Variants in GRM1 observed in about 807,000 individuals in gnomAD.
GRM1 encodes the protein metabotropic glutamate receptor 1.
GRM1 carries 33 observed loss-of-function variants against 90.9 expected under a neutral mutation model. The observed-to-expected ratio is 0.36, with a 90% CI of 0.28 to 0.49. The LOEUF (loss-of-function observed/expected upper bound fraction) is 0.49. GRM1 is among the 20% of genes least tolerant of loss of function. GRM1 has a pLI of 0.99. For missense variants in GRM1, 1,190 were observed against 1,534.3 expected (o/e 0.78, Z 3.75); for synonymous variants, 700 against 613.2 (o/e 1.14, Z -2.09).
chr6:146,106,110 A>G (rs17075679), intron 1 of GRM1, among the ~76,000 whole-genome samples: 4 of 152,338 alleles, frequency 2.6e-5, no homozygotes, highest in East Asian at 3.9e-4. Flanking sequence ...AAAAGGTTTA[A>G]TGCGTCATTA....
chr6:146,124,823 AT>A (rs1474947009), intron 1 of GRM1, among the ~76,000 whole-genome samples: 1 of 152,158 alleles, frequency 6.6e-6, no homozygotes, highest in Non-Finnish European at 1.5e-5. Context: ...TCAAGAATCC[AT>A]TGCGATGCAC....
rs563400979 is a variant in GRM1, at chr6:146,132,879, C to T, written c.701-26469C>T. On this transcript the variant is annotated intron_variant, in intron 1 of 7. Transcript: ENST00000282753. The stretch of plus-strand genomic sequence containing the variant: ...TTTATCTAGTGCATGGGATTTCTTC[C>T]ATTTGTTTGTCTCCAAAGGCCTAGT... 2.4e-4 allele frequency among the ~76,000 whole-genome samples: 36 copies of T among 152,258 alleles called. No homozygotes were observed. The South Asian group carries it at 3.7e-3, about 16-fold the overall frequency.
chr6:146,042,877 C>T (rs1791167662), intron 1 of GRM1, among the ~76,000 whole-genome samples: 1 of 152,016 alleles, frequency 6.6e-6, no homozygotes, highest in Admixed American at 6.6e-5. Context: ...ACAAAGGCTA[C>T]TAGGTGCCCA....
At chr6:146,311,103 C>T (rs1248227632) in intron 3 of GRM1, among the ~76,000 whole-genome samples, 3 of 152,126 alleles carry the variant, frequency 2.0e-5, no homozygotes, top group Admixed American at 6.5e-5. Flanking sequence ...CTTTTCCCAT[C>T]ATAAGAAGAA....
At position 146,210,135 on chromosome 6, in the gene GRM1, A is replaced by G. The variant is rs903754555; in HGVS notation, c.950+50538A>G. ...GGCTTTTATACTCTTAGAATTTTTCAGTGACTCAGCAGATTGAGTTGCAAT... is the reference window on the plus strand; with the variant it reads ...GGCTTTTATACTCTTAGAATTTTTCGGTGACTCAGCAGATTGAGTTGCAAT... On this transcript the variant is annotated intron_variant, in intron 2 of 7. Coordinates refer to ENST00000282753, the MANE Select transcript of GRM1 (RefSeq NM_001278064.2). 3.9e-5 allele frequency among the ~76,000 whole-genome samples: 6 copies of G among 152,150 alleles called. 1 individual carries two copies. The highest frequency in any genetic ancestry group is 1.9e-4 in the East Asian group (1 of 5,190).
rs58019795 is a variant in GRM1, at chr6:146,140,141, C to CTTT, written c.701-19207_701-19206insTTT. ...TCTTTCTTTCTTTCTTTCTTTCTTTCCTTCCTTCCTTCTTTCTCCTTCCTT... is the reference window on the plus strand; with the variant it reads ...TCTTTCTTTCTTTCTTTCTTTCTTTCTTTCTTCCTTCCTTCTTTCTCCTTCCTT... On this transcript the variant is annotated intron_variant, in intron 1 of 7. Coordinates refer to ENST00000282753, the MANE Select transcript of GRM1 (RefSeq NM_001278064.2). 1.6e-3 allele frequency among the ~76,000 whole-genome samples: 191 copies of CTTT among 118,342 alleles called. 1 individual carries two copies. The highest frequency in any genetic ancestry group is 3.8e-3 in the African/African-American group (117 of 30,966). 77.6% of individuals were successfully genotyped at this position (118,342 alleles called of 152,430 possible).
At chr6:146,088,124 A>C (rs568497038) in intron 1 of GRM1, among the ~76,000 whole-genome samples, 19 of 152,196 alleles carry the variant, frequency 1.2e-4, no homozygotes, top group African/African-American at 4.6e-4. Context: ...TTTTTATTTT[A>C]ACTATTCTGA....
Position 146,029,760 on chromosome 6 carries a change from C to G in GRM1, c.243C>G (p.Ala81=), listed in dbSNP as rs749347616. ...AGTATGGCATCCAGAGGGTGGAGGC[C>G]ATGTTCCACACGTTGGATAAGATCA... is the stretch of plus-strand genomic sequence containing the variant. The part of the protein sequence containing the change: ...REQYGIQRVE[A]MFHTLDKINA... The change falls in exon 1 of 8, where the codon GCC becomes GCG. Residue 81 remains alanine (A), a synonymous_variant. Coordinates refer to ENST00000282753, the MANE Select transcript of GRM1 (RefSeq NM_001278064.2). 6.2e-7 allele frequency: 1 copy of G among 1,614,036 alleles called. No homozygotes were observed.
intron 7 of GRM1, among the ~76,000 whole-genome samples, chr6:146,433,482 T>C (rs1014615777): frequency 1.3e-5 from 2 of 151,466 alleles, no homozygotes; most frequent in Non-Finnish European, 2.9e-5. Flanking sequence ...TAACTAAGAT[T>C]TTTTTTTTAA....
At chr6:146,282,484 A>G (rs565774364) in intron 2 of GRM1, among the ~76,000 whole-genome samples, 40 of 152,242 alleles carry the variant, frequency 2.6e-4, no homozygotes, top group Admixed American at 2.4e-3. Context: ...GTTGAATGAA[A>G]GAAAAGATGA....
Position 146,433,938 on chromosome 6 carries a change from G to T in GRM1, c.2727G>T (p.Met909Ile). The change falls in exon 8 of 8, where the codon ATG becomes ATT. Residue 909 changes from methionine to isoleucine, a missense_variant. Met to Ile is a conservative substitution (Grantham distance 10). Coordinates refer to ENST00000282753, the MANE Select transcript of GRM1 (RefSeq NM_001278064.2). ...GACAGGTGCCCAAGGGACAGCATAT[G>T]TGGCACCGCCTCTCTGTGCACGTGA... ...GGGQVPKGQH[M>I]WHRLSVHVKT... The T allele has an allele frequency of 6.2e-7, 1 of 1,613,568 alleles. No homozygotes were observed. Among genetic ancestry groups the T allele is most frequent in the South Asian group, 1.1e-5 (1 of 91,068 alleles).
intron 5 of GRM1, among the ~76,000 whole-genome samples, chr6:146,359,580 T>C (rs551612341): frequency 6.6e-6 from 1 of 152,340 alleles, no homozygotes; most frequent in East Asian, 1.9e-4. Context: ...TTTGCTGTCC[T>C]CAAGCTCCCT....
At chr6:146,088,097 A>G (rs1012586794) in intron 1 of GRM1, among the ~76,000 whole-genome samples, 35 of 152,126 alleles carry the variant, frequency 2.3e-4, no homozygotes, top group Admixed American at 5.9e-4. Flanking sequence ...TCCTACCAGC[A>G]TTGGTTCTGT....
At chr6:146,247,819 T>A (rs1159691758) in intron 2 of GRM1, among the ~76,000 whole-genome samples, 1 of 144,598 alleles carries the variant, frequency 6.9e-6, no homozygotes, top group African/African-American at 2.6e-5. Flanking sequence ...TATATATATA[T>A]AAAATTACAT....
chr6:146,425,360 A>G (rs1778158126), intron 7 of GRM1, among the ~76,000 whole-genome samples: 1 of 152,202 alleles, frequency 6.6e-6, no homozygotes, highest in Admixed American at 6.5e-5. Context: ...AGCCTGAGAG[A>G]CTTGGAATGG....
chr6:146,347,995 G>A (rs1785245023), intron 3 of GRM1, among the ~76,000 whole-genome samples: 1 of 152,170 alleles, frequency 6.6e-6, no homozygotes, highest in Non-Finnish European at 1.5e-5. Flanking sequence ...GAAGCAGTTA[G>A]GCAGGTATTC....
At chr6:146,414,404 A>T (rs137931586) in intron 7 of GRM1, among the ~76,000 whole-genome samples, 1 of 148,618 alleles carries the variant, frequency 6.7e-6, no homozygotes, top group Non-Finnish European at 1.5e-5. Context: ...TATTATTATT[A>T]TTTTTGTTGT....
At chr6:146,335,460 T>C (rs748211774) in intron 3 of GRM1, among the ~76,000 whole-genome samples, 2 of 152,162 alleles carry the variant, frequency 1.3e-5, no homozygotes, top group African/African-American at 2.4e-5. Context: ...GAAAGTTGTG[T>C]TCACTGTTGA....
chr6:146,357,171 T>TA (rs1785616414), intron 4 of GRM1, among the ~76,000 whole-genome samples: 1 of 152,166 alleles, frequency 6.6e-6, no homozygotes, highest in South Asian at 2.1e-4. Flanking sequence ...ATTAATCAAA[T>TA]AAAAAATTAA....
Sources: allele counts gnomAD v4.1 joint callset (sites outside exome capture counted in the v4.1 genomes callset), GRCh38; gene constraint gnomAD v4.1.1; transcripts MANE v1.5; gene names NCBI Gene and HGNC (gene_info 2026-07-23, HGNC 2026-07-21).